The following SH3GL2 variants were observed in gnomAD, a reference collection of about 807,000 sequenced individuals.
SH3GL2 encodes SH3 domain containing GRB2 like 2, endophilin A1.
A neutral mutation model predicts 46.0 loss-of-function variants in SH3GL2; 24 were observed. The observed-to-expected ratio is 0.52, with a 90% confidence interval of 0.38 to 0.73. The LOEUF (loss-of-function observed/expected upper bound fraction) is 0.73. Ranked by LOEUF, SH3GL2 falls within the 30% of genes least tolerant of loss-of-function variation. SH3GL2 has a pLI of 0.00. For missense variants in SH3GL2, 413 were observed against 424.2 expected, an observed-to-expected ratio of 0.97 and a Z score of 0.23; for synonymous variants, 196 against 147.1, an observed-to-expected ratio of 1.33 and a Z score of -2.40.
chr9:17,601,581 A>G (rs191164595), intron 1 of SH3GL2, among the ~76,000 whole-genome samples: 4 of 152,344 alleles, frequency 2.6e-5, no homozygotes, highest in Admixed American at 2.6e-4. Flanking sequence ...AAATCAAATC[A>G]TCTTCCCATG....
Position 17,796,666 on chromosome 9 carries a change from C to T in SH3GL2, c.*923C>T, listed in dbSNP as rs902018528. On this transcript the variant is annotated 3_prime_UTR_variant, in exon 9 of 9. Coordinates refer to ENST00000380607, the MANE Select transcript of SH3GL2 (RefSeq NM_003026.5). ...ACTAGTAACCATCTTTCCACTAGTT[C>T]ATATACTGAGAAACAGTAAATACCT... The T allele has an allele frequency of 6.6e-6, 1 of 152,624 alleles. No individual in the cohort carries two copies. The highest frequency in any genetic ancestry group is 1.5e-5 in the Non-Finnish European group (1 of 68,030). The allele number at this position is 152,624 out of a possible 1,614,324, so 9.5% of individuals were successfully genotyped here.
intron 3 of SH3GL2, among the ~76,000 whole-genome samples, chr9:17,774,551 G>GT (rs71333008): frequency 0.12 from 17,569 of 147,512 alleles, 1,111 homozygotes; most frequent in Admixed American, 0.16. Context: ...CGTGTGTGTG[G>GT]TTTTTTTTTT....
intron 1 of SH3GL2, among the ~76,000 whole-genome samples, chr9:17,580,054 T>C (rs1243661380): frequency 6.6e-6 from 1 of 152,222 alleles, no homozygotes; most frequent in Non-Finnish European, 1.5e-5. Context: ...TAATAAGCTG[T>C]GACTGTAATA....
chr9:17,743,174 G>A (rs1190973026), intron 1 of SH3GL2, among the ~76,000 whole-genome samples: 1 of 152,132 alleles, frequency 6.6e-6, no homozygotes, highest in Non-Finnish European at 1.5e-5. Flanking sequence ...AACATTTAAA[G>A]AAAAGGAAGA....
chr9:17,790,393 A>C, intron 6 of SH3GL2: 7 of 979,298 alleles, frequency 7.1e-6, no homozygotes, highest in Non-Finnish European at 8.5e-6. Flanking sequence ...CACATTGCCT[A>C]CTTGCCTTAC....
intron 1 of SH3GL2, among the ~76,000 whole-genome samples, chr9:17,653,208 T>C (rs569121824): frequency 1.3e-5 from 2 of 152,180 alleles, no homozygotes; most frequent in Non-Finnish European, 2.9e-5. Flanking sequence ...TTCTATTTAT[T>C]ATAACTGTTT....
intron 2 of SH3GL2, among the ~76,000 whole-genome samples, chr9:17,754,546 G>T (rs1418752316): frequency 6.6e-6 from 1 of 151,994 alleles, no homozygotes; most frequent in Non-Finnish European, 1.5e-5. Flanking sequence ...GGTGGCAGGC[G>T]CCTGTAGTCC....
At chr9:17,653,955 C>T (rs1189583843) in intron 1 of SH3GL2, 1 of 518,414 alleles carries the variant, frequency 1.9e-6, no homozygotes, top group Non-Finnish European at 2.5e-6. Context: ...GGCAGATCTT[C>T]TTTTAAACTC....
intron 1 of SH3GL2, among the ~76,000 whole-genome samples, chr9:17,740,888 G>T (rs960264708): frequency 6.6e-6 from 1 of 152,044 alleles, no homozygotes; most frequent in East Asian, 1.9e-4. Flanking sequence ...CATTCCTGAG[G>T]TGAAGAAATT....
chr9:17,711,064 GA>G (rs774372486), intron 1 of SH3GL2, among the ~76,000 whole-genome samples: 5 of 151,816 alleles, frequency 3.3e-5, no homozygotes, highest in Admixed American at 6.6e-5. Flanking sequence ...AGATAATGGG[GA>G]AAAAATTGTG....
chr9:17,612,039 A>G (rs1195775859), intron 1 of SH3GL2, among the ~76,000 whole-genome samples: 4 of 152,180 alleles, frequency 2.6e-5, no homozygotes, highest in Admixed American at 2.0e-4. Context: ...ATATGGGGAA[A>G]TTCTCAGAGA....
rs1447001236 is a variant in SH3GL2 at position 17,650,556 on chromosome 9, G to C, written c.45+71269G>C. On this transcript the variant is annotated intron_variant, in intron 1 of 8. Transcript: ENST00000380607. ...CTGGCTAATTTTTGTATTTTTAGTA[G>C]AGACAGGGTTTCACCATGTTGGCCA... Among the ~76,000 whole-genome samples the C allele has an allele frequency of 6.6e-5, 10 of 152,194 alleles. No homozygotes were observed. The East Asian group carries it at 1.9e-3, about 30-fold the overall frequency.
intron 1 of SH3GL2, among the ~76,000 whole-genome samples, chr9:17,604,136 C>G (rs1036417311): frequency 1.3e-5 from 2 of 152,094 alleles, no homozygotes. Flanking sequence ...TCACTTCATA[C>G]GTGAGAAAAC....
intron 3 of SH3GL2, among the ~76,000 whole-genome samples, chr9:17,770,030 C>T (rs9407848): frequency 0.1 from 15,467 of 152,212 alleles, 850 homozygotes; most frequent in Non-Finnish European, 0.11. Context: ...GTGAAGCATA[C>T]ATAAGCTCCA....
chr9:17,694,092 A>T (rs560210563), intron 1 of SH3GL2, among the ~76,000 whole-genome samples: 167 of 152,230 alleles, frequency 1.1e-3, no homozygotes, highest in Non-Finnish European at 1.8e-3. Flanking sequence ...AGAAAGAAAA[A>T]ATCCTGGTAA....
chr9:17,756,980 A>G (rs1425573824), intron 2 of SH3GL2, among the ~76,000 whole-genome samples: 2 of 152,146 alleles, frequency 1.3e-5, no homozygotes, highest in Admixed American at 6.5e-5. Flanking sequence ...CATCCTCTCC[A>G]GCACCTGTTG....
rs58911697 is a variant in SH3GL2 at position 17,755,488 on chromosome 9, T to C, written c.115-5949T>C. ...GTGGCTAATTTTAAAATCTTTTGTATAGATGGGGTCTCACTTTTTCCCAGG... is the reference window on the plus strand; with the variant it reads ...GTGGCTAATTTTAAAATCTTTTGTACAGATGGGGTCTCACTTTTTCCCAGG... On this transcript the variant is annotated intron_variant, in intron 2 of 8. Coordinates refer to ENST00000380607, the MANE Select transcript of SH3GL2 (RefSeq NM_003026.5). Among the ~76,000 whole-genome samples, 1,005 of 152,212 alleles carry C rather than the reference T, an allele frequency of 6.6e-3. 12 individuals carry two copies. Among genetic ancestry groups the C allele is most frequent in the African/African-American group, 0.023 (956 of 41,534 alleles).
chr9:17,730,001 G>C (rs916714140), intron 1 of SH3GL2, among the ~76,000 whole-genome samples: 12 of 152,060 alleles, frequency 7.9e-5, no homozygotes, highest in Non-Finnish European at 1.5e-4. Flanking sequence ...TGTGAAGAAA[G>C]TCAATGGCAG....
intron 1 of SH3GL2, among the ~76,000 whole-genome samples, chr9:17,741,180 T>G (rs1299298370): frequency 6.6e-6 from 1 of 152,190 alleles, no homozygotes; most frequent in African/African-American, 2.4e-5. Context: ...AGTAATTCTG[T>G]TTTAATATGA....
Sources: gnomAD v4.1 joint callset for allele counts (sites outside exome capture counted in the v4.1 genomes callset) on GRCh38, gnomAD v4.1.1 for gene constraint, MANE v1.5 for transcripts, NCBI Gene and HGNC (gene_info 2026-07-23, HGNC 2026-07-21) for gene names.